The following JDP2 variants were observed in gnomAD, a reference collection of about 807,000 sequenced individuals.
JDP2 encodes the protein Jun dimerization protein 2, also known as progesterone receptor co-activator.
In JDP2, 9 loss-of-function variants were observed where a neutral mutation model predicts 17.1. The ratio of observed to expected loss-of-function variants is 0.53; its 90% CI spans 0.32 to 0.92. JDP2 has a LOEUF of 0.92. Ranked by LOEUF, JDP2 falls within the 40% of genes least tolerant of loss-of-function variation. The probability of loss-of-function intolerance (pLI) is 0.04; values close to 1 mark genes in which losing one functional copy is unlikely to be tolerated. For synonymous variants in JDP2, 107 were observed against 95.6 expected (o/e 1.12, Z -0.69); for missense variants, 179 against 220.0 (o/e 0.81, Z 1.18).
At chr14:75,431,759 G>A (rs1884808316) in intron 1 of JDP2, among the ~76,000 whole-genome samples, 1 of 152,218 alleles carries the variant, frequency 6.6e-6, no homozygotes, top group Non-Finnish European at 1.5e-5. Context: ...ATCCTCTGGG[G>A]AGAATCCTCT....
intron 2 of JDP2, among the ~76,000 whole-genome samples, chr14:75,454,173 T>TCCCCTCCTTTATGC (rs1885998064): frequency 6.6e-6 from 1 of 151,416 alleles, no homozygotes; most frequent in Non-Finnish European, 1.5e-5. Context: ...GCTGGTGACG[T>TCCCCTCCTTTATGC]CCCCTCCTTT....
At chr14:75,454,455 C>T (rs895921363) in intron 2 of JDP2, among the ~76,000 whole-genome samples, 2 of 152,170 alleles carry the variant, frequency 1.3e-5, no homozygotes, top group African/African-American at 4.8e-5. Flanking sequence ...ACTGAGATGG[C>T]AAATTAAATG....
intron 2 of JDP2, among the ~76,000 whole-genome samples, chr14:75,442,319 C>G (rs1414858541): frequency 6.6e-6 from 1 of 152,078 alleles, no homozygotes; most frequent in African/African-American, 2.4e-5. Context: ...AAGGCCACAC[C>G]CTTATACACA....
At chr14:75,451,001 A>G (rs1318940879) in intron 2 of JDP2, among the ~76,000 whole-genome samples, 10 of 152,192 alleles carry the variant, frequency 6.6e-5, no homozygotes, top group Non-Finnish European at 1.5e-4. Context: ...CCAAGGGGAC[A>G]GCAGGGCAAA....
chr14:75,428,296 C>A lies in JDP2; in HGVS notation c.-24+44C>A. 1 of 146,796 alleles carries A rather than the reference C, an allele frequency of 6.8e-6. No individual in the cohort carries two copies. Among genetic ancestry groups the A allele is most frequent in the South Asian group, 2.1e-4 (1 of 4,846 alleles). 9.1% of individuals were successfully genotyped at this position (146,796 alleles called of 1,614,324 possible). On this transcript the variant is annotated intron_variant, in intron 1 of 3. Transcript: ENST00000651602. The surrounding 1 kb of genome is among the most constrained non-coding windows in gnomAD (Gnocchi z 5.6). ...GCTGGGGGCGCCGGGACGGGCGGGG[C>A]GGGGCAGGGCGCGGCGCGGGCACCT...
Position 75,469,383 on chromosome 14 carries a change from C to G in JDP2, c.400C>G (p.Arg134Gly), listed in dbSNP as rs768690259. The G allele has an allele frequency of 1.9e-6, 3 of 1,614,130 alleles. No individual in the cohort carries two copies. Among genetic ancestry groups the G allele is most frequent in the Non-Finnish European group, 2.5e-6 (3 of 1,180,018 alleles). The change falls in exon 4 of 4, where the codon CGA (arginine) becomes GGA (glycine). Residue 134 changes from arginine to glycine, a missense_variant. Coordinates refer to ENST00000651602, the MANE Select transcript of JDP2 (RefSeq NM_001135048.2). ...ERQQLILMLN[R>G]HRPTCIVRTD... is the part of the protein sequence containing the mutation. ...GCAGCAGCTCATCCTGATGCTGAACCGACACCGCCCCACCTGCATCGTCCG... is the reference window on the plus strand; with the variant it reads ...GCAGCAGCTCATCCTGATGCTGAACGGACACCGCCCCACCTGCATCGTCCG...
chr14:75,442,636 G>A (rs558819740), intron 2 of JDP2, among the ~76,000 whole-genome samples: 1 of 152,110 alleles, frequency 6.6e-6, no homozygotes, highest in African/African-American at 2.4e-5. Flanking sequence ...TTGACTTCAG[G>A]CAGAAAAAAA....
intron 2 of JDP2, among the ~76,000 whole-genome samples, chr14:75,450,216 G>A (rs1026966321): frequency 4.6e-5 from 7 of 152,186 alleles, no homozygotes; most frequent in African/African-American, 1.2e-4. Context: ...AGGGTGTCAG[G>A]CTTTCAGTTC....
intron 2 of JDP2, among the ~76,000 whole-genome samples, chr14:75,447,938 C>T (rs148243138): frequency 7.2e-5 from 11 of 152,240 alleles, no homozygotes; most frequent in Admixed American, 5.2e-4. Context: ...GGATTACAGG[C>T]GTGAGCCACT....
intron 2 of JDP2, among the ~76,000 whole-genome samples, chr14:75,452,506 A>G (rs1448879548): frequency 6.6e-6 from 1 of 152,210 alleles, no homozygotes; most frequent in Non-Finnish European, 1.5e-5. Flanking sequence ...CAAGCCCACT[A>G]GGGTCAGCTG....
chr14:75,459,788 T>G (rs1027980381), intron 2 of JDP2, among the ~76,000 whole-genome samples: 14 of 152,134 alleles, frequency 9.2e-5, no homozygotes, highest in African/African-American at 3.4e-4. Flanking sequence ...TGGGTGTCCT[T>G]CAGATTTTCC....
At chr14:75,456,859 C>T (rs1008814263) in intron 2 of JDP2, among the ~76,000 whole-genome samples, 5 of 152,090 alleles carry the variant, frequency 3.3e-5, no homozygotes, top group African/African-American at 9.7e-5. Context: ...TGAGAGCAGG[C>T]TGTCTGAGGA....
intron 2 of JDP2, among the ~76,000 whole-genome samples, chr14:75,457,505 CAGT>C (rs1331982861): frequency 9.8e-5 from 15 of 152,358 alleles, no homozygotes; most frequent in African/African-American, 3.6e-4. Flanking sequence ...TCTTAAATAG[CAGT>C]GCGAGGATTT....
chr14:75,472,698 G>A lies in JDP2; in HGVS notation c.*3223G>A, dbSNP rs1886840969. The A allele has an allele frequency of 6.6e-6, 1 of 152,228 alleles. No individual in the cohort carries two copies. Among genetic ancestry groups the A allele is most frequent in the African/African-American group, 2.4e-5 (1 of 41,456 alleles). 9.4% of individuals were successfully genotyped at this position (152,228 alleles called of 1,614,324 possible). A position where few individuals can be genotyped will look rare whatever the true frequency, so the allele number is the denominator to read the frequency against. On this transcript the variant is annotated 3_prime_UTR_variant, in exon 4 of 4. Transcript: ENST00000651602. ...TGTGAAATAAAAGCTCCCTAAAATG[G>A]TAATTATTTTGTCCTCTGTTAGTGT...
At chr14:75,445,473 C>A in intron 2 of JDP2, 1 of 985,326 alleles carries the variant, frequency 1.0e-6, no homozygotes, top group Non-Finnish European at 1.2e-6. Context: ...CCTCCCTACA[C>A]CCTACCAACT....
Position 75,438,092 on chromosome 14 carries a change from G to A in JDP2, c.172G>A (p.Gly58Ser), listed in dbSNP as rs759014882. 31 of 1,612,876 alleles carry A rather than the reference G, an allele frequency of 1.9e-5. No homozygotes were observed. In the South Asian group the frequency reaches 2.5e-4, roughly 13 times the overall value. Reference sequence around the variant, plus strand: ...CTTGCACTTCCTGGAGGTGAAACTGGGCAAGAGGCCCCAGCCCGTGAAAAG... The same window carrying A: ...CTTGCACTTCCTGGAGGTGAAACTGAGCAAGAGGCCCCAGCCCGTGAAAAG... ...APLHFLEVKLGKRPQPVKSEL... is the reference protein window; with the variant it reads ...APLHFLEVKLSKRPQPVKSEL... Residue 58 changes from glycine to serine, a missense_variant, in exon 2 of 4, where the codon GGC (glycine) becomes AGC (serine). Physicochemically the swap from Gly to Ser is moderately conservative, Grantham distance 56. Transcript: ENST00000651602.
In JDP2 at chr14:75,437,952, T is replaced by C; in HGVS notation, c.32T>C (p.Val11Ala). The change falls in exon 2 of 4, where the codon GTG becomes GCG. Residue 11 changes from valine (V) to alanine (A), a missense_variant. Physicochemically the swap from Val to Ala is moderately conservative, Grantham distance 64. Transcript: ENST00000651602. Reference sequence around the variant, plus strand: ...CCTGGGCAGATCCCGGACCCTTCGGTGACCACAGGCTCCCTGCCAGGGCTT... The same window carrying C: ...CCTGGGCAGATCCCGGACCCTTCGGCGACCACAGGCTCCCTGCCAGGGCTT... MMPGQIPDPS[V>A]TTGSLPGLGP... 1 of 1,612,952 alleles carries C rather than the reference T, an allele frequency of 6.2e-7. No homozygotes were observed. Among genetic ancestry groups the C allele is most frequent in the African/African-American group, 1.3e-5 (1 of 75,060 alleles).
At chr14:75,462,857 C>T (rs1429774330) in intron 3 of JDP2, among the ~76,000 whole-genome samples, 1 of 152,118 alleles carries the variant, frequency 6.6e-6, no homozygotes, top group African/African-American at 2.4e-5. Context: ...GTGTCCAGTG[C>T]AGGGAATGGT....
chr14:75,445,459 T>C (rs1038729218), intron 2 of JDP2: 2 of 985,276 alleles, frequency 2.0e-6, no homozygotes, highest in African/African-American at 1.7e-5. Flanking sequence ...TTTGCCTCTG[T>C]AGTCCTCCCT....
Sources: gnomAD v4.1 joint callset for allele counts (sites outside exome capture counted in the v4.1 genomes callset) on GRCh38, gnomAD v4.1.1 for gene constraint, Gnocchi (gnomAD v3.1) non-coding constraint, MANE v1.5 for transcripts, NCBI Gene and HGNC (gene_info 2026-07-23, HGNC 2026-07-21) for gene names.